The following PANK3 variants were observed in gnomAD, a reference collection of about 807,000 sequenced individuals.
PANK3 encodes pantothenate kinase 3, also known as hPanK3.
Under a neutral mutation model 39.4 loss-of-function variants are expected in PANK3, and 20 were observed. That is an observed-to-expected ratio of 0.51 (90% CI 0.36 to 0.74). The LOEUF (loss-of-function observed/expected upper bound fraction) is 0.74. PANK3 is among the 30% of genes least tolerant of loss of function. The probability of loss-of-function intolerance (pLI) is 0.00; values close to 1 mark genes in which losing one functional copy is unlikely to be tolerated. For missense variants in PANK3, 265 were observed against 437.0 expected (o/e 0.61, Z 3.51); for synonymous variants, 140 against 157.3 (o/e 0.89, Z 0.82).
rs959130751 is a variant in PANK3, at chr5:168,549,056, A to C, written c.*8515T>G. 4 of 152,240 alleles carry C rather than the reference A, an allele frequency of 2.6e-5. No homozygotes were observed. The highest frequency in any genetic ancestry group is 5.9e-5 in the Non-Finnish European group (4 of 68,036). The allele number at this position is 152,240 out of a possible 1,614,324, so 9.4% of individuals were successfully genotyped here. On this transcript the variant is annotated 3_prime_UTR_variant, in exon 7 of 7. Transcript: ENST00000239231. ...CACTTTGGTCAATAACTGGTCATTA[A>C]GATAAACGCCATTCAATTTTAGTTA...
At chr5:168,572,273 C>A (rs529033461) in intron 1 of PANK3, among the ~76,000 whole-genome samples, 1 of 152,108 alleles carries the variant, frequency 6.6e-6, no homozygotes, top group East Asian at 1.9e-4. Context: ...ACTACCACGA[C>A]CAACTAATTT....
chr5:168,558,092 T>C (rs979964406), intron 6 of PANK3, among the ~76,000 whole-genome samples: 27 of 151,880 alleles, frequency 1.8e-4, no homozygotes, highest in East Asian at 3.9e-4. Context: ...CCATGTGGAA[T>C]TGCACAAGGG....
At chr5:168,570,743 T>C (rs923468513) in intron 1 of PANK3, among the ~76,000 whole-genome samples, 3 of 152,236 alleles carry the variant, frequency 2.0e-5, no homozygotes, top group Admixed American at 6.5e-5. Flanking sequence ...GAGCTTAGAC[T>C]TGAACTTTTT....
intron 1 of PANK3, among the ~76,000 whole-genome samples, chr5:168,569,487 C>T (rs952416796): frequency 3.3e-5 from 5 of 151,830 alleles, no homozygotes; most frequent in African/African-American, 1.2e-4. Flanking sequence ...CCACCGCGCT[C>T]GGCCCTTCAA....
chr5:168,577,938 C>G (rs909031135), intron 1 of PANK3, among the ~76,000 whole-genome samples: 2 of 152,184 alleles, frequency 1.3e-5, no homozygotes. Context: ...AATTTAAAGT[C>G]TCTCTATATT....
Position 168,568,950 on chromosome 5 carries a change from G to C in PANK3, c.77C>G (p.Ser26Trp), listed in dbSNP as rs754618602. The C allele has an allele frequency of 6.3e-7, 1 of 1,596,778 alleles. No homozygotes were observed. The highest frequency in any genetic ancestry group is 8.5e-7 in the Non-Finnish European group (1 of 1,174,196). ...MDIGGTLVKL[S>W]YFEPIDITAE... ...TGTGATATCAATAGGTTCAAAGTACGAGAGCTTTACTAGAGTTCCCCCAAT... is the reference window on the plus strand; with the variant it reads ...TGTGATATCAATAGGTTCAAAGTACCAGAGCTTTACTAGAGTTCCCCCAAT... The change falls in exon 2 of 7, where the codon TCG becomes TGG. Residue 26 changes from serine (S) to tryptophan (W), a missense_variant. This residue lies in a region of PANK3 where 154 missense variants were observed against 256.8 expected (regional missense o/e 0.60). Transcript: ENST00000239231.
chr5:168,572,191 G>A (rs1759649584), intron 1 of PANK3, among the ~76,000 whole-genome samples: 1 of 133,848 alleles, frequency 7.5e-6, no homozygotes, highest in Admixed American at 8.9e-5. Flanking sequence ...TCTGCTAACT[G>A]TAGCCTCCAC....
rs1759334708 is a variant in PANK3 at position 168,555,536 on chromosome 5, C to T, written c.*2035G>A. On this transcript the variant is annotated 3_prime_UTR_variant, in exon 7 of 7. Transcript: ENST00000239231. ...GGGATTAGAGGCGTGAGCCACTGCG[C>T]CTGGCCAAGATTCATTTTAATTGTG... 1 of 152,244 alleles carries T rather than the reference C, an allele frequency of 6.6e-6. No homozygotes were observed. The allele number at this position is 152,244 out of a possible 1,614,324, so 9.4% of individuals were successfully genotyped here. A position where few individuals can be genotyped will look rare whatever the true frequency, so the allele number is the denominator to read the frequency against.
At position 168,552,216 on chromosome 5, in the gene PANK3, A is replaced by C. The variant is rs1759282261; in HGVS notation, c.*5355T>G. 6.6e-6 allele frequency: 1 copy of C among 152,204 alleles called. No homozygotes were observed. Among genetic ancestry groups the C allele is most frequent in the African/African-American group, 2.4e-5 (1 of 41,454 alleles). 9.4% of individuals were successfully genotyped at this position (152,204 alleles called of 1,614,324 possible). A position where few individuals can be genotyped will look rare whatever the true frequency, so the allele number is the denominator to read the frequency against. ...GTGTACAGAGGTCTACAATGCATTA[A>C]AGTTTCTTTTTAATCCTTAGAAATT... On this transcript the variant is annotated 3_prime_UTR_variant, in exon 7 of 7. Transcript: ENST00000239231.
intron 3 of PANK3, among the ~76,000 whole-genome samples, chr5:168,565,535 A>C (rs1166265975): frequency 1.3e-5 from 2 of 152,122 alleles, no homozygotes; most frequent in Non-Finnish European, 1.5e-5. Context: ...ATATAAACAT[A>C]ATAAAGTTTA....
Position 168,555,172 on chromosome 5 carries a change from C to T in PANK3, c.*2399G>A, listed in dbSNP as rs1315630268. 2.0e-5 allele frequency: 3 copies of T among 152,142 alleles called. No individual in the cohort carries two copies. The highest frequency in any genetic ancestry group is 2.9e-5 in the Non-Finnish European group (2 of 68,038). 9.4% of individuals were successfully genotyped at this position (152,142 alleles called of 1,614,324 possible). A position where few individuals can be genotyped will look rare whatever the true frequency, so the allele number is the denominator to read the frequency against. ...AGCTCTATGTTCTTAACGGTGCTGT[C>T]TTAATAGAAATAAAATGTAAACCAT... is the stretch of plus-strand genomic sequence containing the variant. On this transcript the variant is annotated 3_prime_UTR_variant, in exon 7 of 7. Transcript: ENST00000239231.
At chr5:168,572,846 G>A (rs937210863) in intron 1 of PANK3, among the ~76,000 whole-genome samples, 6 of 152,060 alleles carry the variant, frequency 3.9e-5, no homozygotes, top group African/African-American at 1.2e-4. Flanking sequence ...GATAATGGGC[G>A]GTGTTTCTCA....
rs546636323 is a variant in PANK3, at chr5:168,556,325, G to C, written c.*1246C>G. 1 of 152,168 alleles carries C rather than the reference G, an allele frequency of 6.6e-6. No individual in the cohort carries two copies. The highest frequency in any genetic ancestry group is 6.5e-5 in the Admixed American group (1 of 15,284). The allele number at this position is 152,168 out of a possible 1,614,324, so 9.4% of individuals were successfully genotyped here. On this transcript the variant is annotated 3_prime_UTR_variant, in exon 7 of 7. Transcript: ENST00000239231. ...AGAGGAGGTGGAGAGATTTACTCCTGCCATGGATCATATGCATTTCTACCA... is the reference window on the plus strand; with the variant it reads ...AGAGGAGGTGGAGAGATTTACTCCTCCCATGGATCATATGCATTTCTACCA...
intron 4 of PANK3, among the ~76,000 whole-genome samples, chr5:168,562,184 C>G (rs1759458650): frequency 6.6e-6 from 1 of 152,006 alleles, no homozygotes; most frequent in South Asian, 2.1e-4. Flanking sequence ...AAGAGAAGCG[C>G]TAACAGTAAC....
rs368263078 is a variant in PANK3 at position 168,556,305 on chromosome 5, A to T, written c.*1266T>A. 6.6e-6 allele frequency: 1 copy of T among 152,204 alleles called. No individual in the cohort carries two copies. Among genetic ancestry groups the T allele is most frequent in the Admixed American group, 6.5e-5 (1 of 15,280 alleles). 9.4% of individuals were successfully genotyped at this position (152,204 alleles called of 1,614,324 possible). On this transcript the variant is annotated 3_prime_UTR_variant, in exon 7 of 7. Transcript: ENST00000239231. ...TCTAGAGTTTTCAGAGAGTTAGAGG[A>T]GGTGGAGAGATTTACTCCTGCCATG... is the stretch of plus-strand genomic sequence containing the variant.
intron 1 of PANK3, among the ~76,000 whole-genome samples, chr5:168,577,781 C>G (rs1759751359): frequency 6.6e-6 from 1 of 152,166 alleles, no homozygotes; most frequent in Non-Finnish European, 1.5e-5. Context: ...ATCACCACCA[C>G]AAGAGTCAGA....
At chr5:168,567,607 T>A (rs930812512) in intron 2 of PANK3, among the ~76,000 whole-genome samples, 17 of 152,146 alleles carry the variant, frequency 1.1e-4, no homozygotes, top group African/African-American at 3.9e-4. Context: ...CTCGCTTCTA[T>A]GAGCCATTTA....
At position 168,569,008 on chromosome 5, in the gene PANK3, G is replaced by C; in HGVS notation, c.29-10C>G. ...CCAAACCATGGGAAAGCTATGGGAG[G>C]AAAAAAAAAAAAAAAAAAAAAAATA... On this transcript the variant is annotated splice_polypyrimidine_tract_variant and intron_variant, in intron 1 of 6. Transcript: ENST00000239231. 1 of 90,202 alleles carries C rather than the reference G, an allele frequency of 1.1e-5. No individual in the cohort carries two copies. The highest frequency in any genetic ancestry group is 1.8e-5 in the Non-Finnish European group (1 of 55,368). 5.6% of individuals were successfully genotyped at this position (90,202 alleles called of 1,614,324 possible). A position where few individuals can be genotyped will look rare whatever the true frequency, so the allele number is the denominator to read the frequency against.
chr5:168,556,291 CAG>C lies in PANK3; in HGVS notation c.*1278_*1279del, dbSNP rs1464441254. 2 of 152,156 alleles carry C rather than the reference CAG, an allele frequency of 1.3e-5. No individual in the cohort carries two copies. Among genetic ancestry groups the C allele is most frequent in the African/African-American group, 4.8e-5 (2 of 41,420 alleles). The allele number at this position is 152,156 out of a possible 1,614,324, so 9.4% of individuals were successfully genotyped here. A position where few individuals can be genotyped will look rare whatever the true frequency, so the allele number is the denominator to read the frequency against. On this transcript the variant is annotated 3_prime_UTR_variant, in exon 7 of 7. Transcript: ENST00000239231. ...AGACTTGCTCCAACTCTAGAGTTTT[CAG>C]AGAGTTAGAGGAGGTGGAGAGATTT... is the stretch of plus-strand genomic sequence containing the variant.
Sources: gnomAD v4.1 joint callset for allele counts (sites outside exome capture counted in the v4.1 genomes callset) on GRCh38, gnomAD v4.1.1 for gene constraint, gnomAD v4.1.1 regional missense constraint, MANE v1.5 for transcripts, NCBI Gene and HGNC (gene_info 2026-07-23, HGNC 2026-07-21) for gene names.